Variants in LY96 observed in about 807,000 individuals in gnomAD.
LY96 encodes lymphocyte antigen 96, also known as myeloid differentiation protein-2.
In LY96, 18 loss-of-function variants were observed where a neutral mutation model predicts 18.9. The observed-to-expected ratio is 0.95, with a 90% CI of 0.66 to 1.41. The LOEUF is 1.41. Among genes scored for constraint, LY96 ranks in the 40% most tolerant of loss-of-function variants. The probability of loss-of-function intolerance (pLI) is 0.00; values close to 1 mark genes in which losing one functional copy is unlikely to be tolerated. For missense variants in LY96, 175 were observed against 182.4 expected, an observed-to-expected ratio of 0.96 and a Z score of 0.23; for synonymous variants, 66 against 62.6, an observed-to-expected ratio of 1.06 and a Z score of -0.26.
the LY96 span, among the ~76,000 whole-genome samples, chr8:74,098,170 C>G: frequency 6.6e-6 from 1 of 152,128 alleles, no homozygotes; most frequent in African/African-American, 2.4e-5. Flanking sequence ...AAGTATCTTG[C>G]CAGCTCTAGC....
the LY96 span, among the ~76,000 whole-genome samples, chr8:74,051,267 A>G: frequency 6.6e-6 from 1 of 152,140 alleles, no homozygotes; most frequent in Admixed American, 6.5e-5. Context: ...AATGAGAACA[A>G]CATGCTTTCA....
At chr8:74,084,599 C>T in the LY96 span, among the ~76,000 whole-genome samples, 1 of 152,100 alleles carries the variant, frequency 6.6e-6, no homozygotes, top group Non-Finnish European at 1.5e-5. Context: ...CTTGGTCTGT[C>T]TTTCAATCTC....
the LY96 span, among the ~76,000 whole-genome samples, chr8:74,092,220 T>TG: frequency 6.6e-6 from 1 of 152,112 alleles, no homozygotes; most frequent in African/African-American, 2.4e-5. Flanking sequence ...AGGAAGATGG[T>TG]GGGGGAAGCA....
At chr8:74,057,911 G>A in the LY96 span, among the ~76,000 whole-genome samples, 1 of 152,190 alleles carries the variant, frequency 6.6e-6, no homozygotes, top group African/African-American at 2.4e-5. Context: ...ATAGAAAAGG[G>A]CAGTGAACAT....
In LY96 at chr8:74,006,340, G is replaced by C. The variant is rs1054627240; in HGVS notation, c.202+1455G>C. Among the ~76,000 whole-genome samples the C allele has an allele frequency of 1.1e-4, 17 of 152,210 alleles. No individual in the cohort carries two copies. In the East Asian group the frequency reaches 2.5e-3, roughly 23 times the overall value. On this transcript the variant is annotated intron_variant, in intron 2 of 4. Transcript: ENST00000284818. Reference sequence around the variant, plus strand: ...AGCCTCCCGGGTAGCTGGGATTATAGGCACCCACCACCATGCCTGGCTAAT... The same window carrying C: ...AGCCTCCCGGGTAGCTGGGATTATACGCACCCACCACCATGCCTGGCTAAT...
chr8:74,052,587 T>C, the LY96 span: 1 of 152,262 alleles, frequency 6.6e-6, no homozygotes, highest in East Asian at 1.9e-4. Flanking sequence ...AGCCCAACTA[T>C]AGAAGAAGGG....
the LY96 span, among the ~76,000 whole-genome samples, chr8:74,039,467 TAA>T: frequency 1.3e-5 from 2 of 152,038 alleles, no homozygotes; most frequent in Non-Finnish European, 2.9e-5. Flanking sequence ...AACAAAGAGA[TAA>T]AGAGAAAACA....
At chr8:74,024,800 T>G (rs1176684847) in intron 3 of LY96, among the ~76,000 whole-genome samples, 2 of 152,130 alleles carry the variant, frequency 1.3e-5, no homozygotes, top group African/African-American at 4.8e-5. Context: ...GGGTCTTTTT[T>G]TGGTTTTTAA....
chr8:74,048,778 T>TACGA, the LY96 span: 1 of 108,568 alleles, frequency 9.2e-6, no homozygotes, highest in African/African-American at 5.3e-5. Flanking sequence ...ATGTGGTCCA[T>TACGA]ATGAAGGAAG....
the LY96 span, among the ~76,000 whole-genome samples, chr8:74,089,684 C>T: frequency 3.0e-5 from 4 of 134,888 alleles, no homozygotes; most frequent in South Asian, 2.3e-4. Context: ...TAGAAGACAA[C>T]GACAGATGAA....
the LY96 span, among the ~76,000 whole-genome samples, chr8:74,081,118 TTTCTTTCC>T: frequency 1.2e-4 from 17 of 136,934 alleles, no homozygotes; most frequent in Admixed American, 2.3e-4. Context: ...TCTTTCTTTC[TTTCTTTCC>T]TTCCTTCCTT....
chr8:74,056,090 A>C, the LY96 span: 3 of 169,966 alleles, frequency 1.8e-5, no homozygotes, highest in Admixed American at 6.5e-5. Context: ...TATTGAGGTA[A>C]GCCTTGCTGA....
At chr8:74,056,567 C>A in the LY96 span, 1 of 160,710 alleles carries the variant, frequency 6.2e-6, no homozygotes, top group South Asian at 1.6e-4. Flanking sequence ...GGGAGCAGTT[C>A]TGGAAAAGCT....
chr8:74,051,347 T>G, the LY96 span, among the ~76,000 whole-genome samples: 1 of 152,220 alleles, frequency 6.6e-6, no homozygotes, highest in African/African-American at 2.4e-5. Flanking sequence ...TCATTTGTTT[T>G]GCTCTTGGTG....
At chr8:74,020,455 G>C (rs1441305287) in intron 3 of LY96, among the ~76,000 whole-genome samples, 2 of 152,148 alleles carry the variant, frequency 1.3e-5, no homozygotes, top group Non-Finnish European at 1.5e-5. Context: ...CCATGCTCAT[G>C]GATGGGAGGA....
intron 3 of LY96, among the ~76,000 whole-genome samples, chr8:74,010,694 T>C (rs1246903899): frequency 6.6e-6 from 1 of 152,096 alleles, no homozygotes; most frequent in Non-Finnish European, 1.5e-5. Flanking sequence ...AAAAAAAGCC[T>C]AGTACAGTGT....
intron 3 of LY96, among the ~76,000 whole-genome samples, chr8:74,021,272 A>T (rs1274446183): frequency 6.6e-6 from 1 of 152,264 alleles, no homozygotes; most frequent in Admixed American, 6.5e-5. Context: ...ATATGAACAG[A>T]CACTTTTCAA....
intron 3 of LY96, among the ~76,000 whole-genome samples, chr8:74,012,447 A>G (rs945217989): frequency 1.3e-5 from 2 of 152,208 alleles, no homozygotes; most frequent in African/African-American, 4.8e-5. Flanking sequence ...AAAGTCAAAT[A>G]TTGCATGTTC....
the LY96 span, among the ~76,000 whole-genome samples, chr8:74,062,549 T>A: frequency 6.6e-6 from 1 of 152,208 alleles, no homozygotes; most frequent in Non-Finnish European, 1.5e-5. Flanking sequence ...TCCAGCTTCA[T>A]CCATGTCCCT....
Sources: allele counts gnomAD v4.1 joint callset (sites outside exome capture counted in the v4.1 genomes callset), GRCh38; gene constraint gnomAD v4.1.1; transcripts MANE v1.5; gene names NCBI Gene and HGNC (gene_info 2026-07-23, HGNC 2026-07-21).